Variants in RBFOX1 observed in about 807,000 individuals in gnomAD.
RBFOX1 encodes the protein RNA binding fox-1 homolog 1, also known as RNA binding protein fox-1 homolog 1.
RBFOX1 carries 8 observed loss-of-function variants against 57.7 expected under a neutral mutation model. That is an observed-to-expected ratio of 0.14 (90% CI 0.08 to 0.25). The LOEUF (loss-of-function observed/expected upper bound fraction) is 0.25. Ranked by LOEUF, RBFOX1 falls within the 10% of genes least tolerant of loss-of-function variation. The probability of loss-of-function intolerance (pLI) is 1.00; values close to 1 mark genes in which losing one functional copy is unlikely to be tolerated. For synonymous variants in RBFOX1, 326 were observed against 222.4 expected, an observed-to-expected ratio of 1.47 and a Z score of -4.15; for missense variants, 611 against 548.5, an observed-to-expected ratio of 1.11 and a Z score of -1.14.
intron 1 of RBFOX1, among the ~76,000 whole-genome samples, chr16:5,312,925 C>G (rs962101937): frequency 3.3e-5 from 5 of 152,198 alleles, no homozygotes; most frequent in African/African-American, 9.7e-5. Flanking sequence ...CATGGTGCCT[C>G]TGTTTGGCTT....
chr16:7,413,538 C>T (rs901364715), intron 4 of RBFOX1, among the ~76,000 whole-genome samples: 1 of 152,100 alleles, frequency 6.6e-6, no homozygotes, highest in African/African-American at 2.4e-5. Flanking sequence ...CCCTCTGTCT[C>T]CTTGTAAGGC....
intron 3 of RBFOX1, among the ~76,000 whole-genome samples, chr16:6,985,740 A>T (rs994777291): frequency 1.1e-4 from 17 of 148,702 alleles, no homozygotes; most frequent in Admixed American, 7.4e-4. Context: ...AGGCTGAGGC[A>T]TAAGAATTGC....
intron 4 of RBFOX1, among the ~76,000 whole-genome samples, chr16:7,052,917 G>T (rs911211357): frequency 3.9e-5 from 6 of 152,142 alleles, no homozygotes; most frequent in Non-Finnish European, 7.3e-5. Context: ...TGGACAATGT[G>T]CCTTATAGCC....
intron 4 of RBFOX1, among the ~76,000 whole-genome samples, chr16:7,259,890 C>G (rs2094849167): frequency 6.6e-6 from 1 of 152,178 alleles, no homozygotes; most frequent in East Asian, 1.9e-4. Context: ...ATTGTAGGCC[C>G]TTGGTAAATA....
intron 3 of RBFOX1, among the ~76,000 whole-genome samples, chr16:5,743,229 C>T (rs1178737967): frequency 6.6e-6 from 1 of 152,154 alleles, no homozygotes; most frequent in African/African-American, 2.4e-5. Flanking sequence ...GAAGGCAGAA[C>T]ACTACTCACA....
chr16:6,226,427 A>C (rs905741941), intron 1 of RBFOX1, among the ~76,000 whole-genome samples: 2 of 151,266 alleles, frequency 1.3e-5, no homozygotes, highest in East Asian at 3.9e-4. Context: ...CAGCAATGTG[A>C]AGTAAGCCTG....
intron 2 of RBFOX1, among the ~76,000 whole-genome samples, chr16:6,590,957 G>A (rs982075337): frequency 3.9e-5 from 6 of 152,158 alleles, no homozygotes; most frequent in African/African-American, 9.7e-5. Context: ...GTCACACTGC[G>A]AGAGTCCCAG....
At chr16:6,288,926 T>A (rs528683197) in intron 1 of RBFOX1, among the ~76,000 whole-genome samples, 11 of 152,112 alleles carry the variant, frequency 7.2e-5, no homozygotes, top group Admixed American at 2.0e-4. Context: ...ATGCTTCTCA[T>A]TGAGATGCTG....
chr16:7,568,764 G>A (rs2092419517), intron 5 of RBFOX1, among the ~76,000 whole-genome samples: 1 of 151,286 alleles, frequency 6.6e-6, no homozygotes, highest in Non-Finnish European at 1.5e-5. Flanking sequence ...GCGGGCACTT[G>A]TAGTGCCAGC....
chr16:7,313,203 G>A (rs1205169362), intron 4 of RBFOX1, among the ~76,000 whole-genome samples: 4 of 152,266 alleles, frequency 2.6e-5, no homozygotes, highest in South Asian at 2.1e-4. Context: ...GCTTAAACTC[G>A]TTGACAGGTT....
intron 4 of RBFOX1, among the ~76,000 whole-genome samples, chr16:7,462,236 T>C (rs1407710502): frequency 6.6e-6 from 1 of 152,226 alleles, no homozygotes; most frequent in Non-Finnish European, 1.5e-5. Flanking sequence ...TAATGGCTGC[T>C]GTAACAAATC....
At position 6,865,156 on chromosome 16, in the gene RBFOX1, C is replaced by G. The variant is rs527476511; in HGVS notation, c.-15-186901C>G. ...TAGCTGGGATTACAGGTGCCCACCA[C>G]CACTCCTGGGTAATTTTTGTACTTT... is the stretch of plus-strand genomic sequence containing the variant. On this transcript the variant is annotated intron_variant, in intron 3 of 15. Transcript: ENST00000550418. 4.0e-5 allele frequency among the ~76,000 whole-genome samples: 6 copies of G among 151,788 alleles called. No homozygotes were observed. The East Asian group carries it at 5.9e-4, about 15-fold the overall frequency.
At position 7,457,051 on chromosome 16, in the gene RBFOX1, C is replaced by G. The variant is rs191885523; in HGVS notation, c.28-61096C>G. Among the ~76,000 whole-genome samples the G allele has an allele frequency of 1.4e-3, 219 of 152,194 alleles. 4 individuals carry two copies. Among genetic ancestry groups the G allele is most frequent in the Middle Eastern group, 3.4e-3 (1 of 294 alleles). On this transcript the variant is annotated intron_variant, in intron 4 of 15. Transcript: ENST00000550418. ...TGCAGGCACGCACCACCACGCCCGG[C>G]TAATTTTGTATTTTTAGTAGAGACG...
chr16:6,194,135 C>T (rs991602808), intron 1 of RBFOX1, among the ~76,000 whole-genome samples: 16 of 152,162 alleles, frequency 1.1e-4, no homozygotes, highest in African/African-American at 3.9e-4. Flanking sequence ...CTTCCCTCAT[C>T]CTCTCTCAGT....
Position 6,317,746 on chromosome 16 carries a change from A to C in RBFOX1, c.-64+689A>C, listed in dbSNP as rs908573907. Among the ~76,000 whole-genome samples, 33 of 152,142 alleles carry C rather than the reference A, an allele frequency of 2.2e-4. 1 individual carries two copies. Among genetic ancestry groups the C allele is most frequent in the Non-Finnish European group, 5.9e-5 (4 of 68,024 alleles). On this transcript the variant is annotated intron_variant, in intron 2 of 15. Coordinates refer to ENST00000550418, the MANE Select transcript of RBFOX1 (RefSeq NM_018723.4). ...GATATACTCTAGCATTTGGGGTAGCACCTTCACAAAGTCTCTGATGTCAGC... is the reference window on the plus strand; with the variant it reads ...GATATACTCTAGCATTTGGGGTAGCCCCTTCACAAAGTCTCTGATGTCAGC...
At chr16:5,766,220 C>A (rs1398797636) in intron 3 of RBFOX1, among the ~76,000 whole-genome samples, 1 of 152,090 alleles carries the variant, frequency 6.6e-6, no homozygotes, top group Admixed American at 6.6e-5. Flanking sequence ...CCAATCATGG[C>A]AGAAGGAGAA....
chr16:6,773,868 G>A, intron 3 of RBFOX1: 4 of 730,392 alleles, frequency 5.5e-6, no homozygotes, highest in Non-Finnish European at 6.7e-6. Context: ...TGGATGTAGG[G>A]TGCGTTTGTC....
At chr16:7,691,921 G>C (rs889470001) in intron 14 of RBFOX1, among the ~76,000 whole-genome samples, 1 of 152,154 alleles carries the variant, frequency 6.6e-6, no homozygotes, top group Non-Finnish European at 1.5e-5. Context: ...TCTGTAAATA[G>C]AGGTTATTCT....
At chr16:6,268,299 G>C (rs187282286) in intron 1 of RBFOX1, among the ~76,000 whole-genome samples, 1 of 152,196 alleles carries the variant, frequency 6.6e-6, no homozygotes, top group African/African-American at 2.4e-5. Flanking sequence ...GGAGCAGGTC[G>C]AATGGAGGAG....
Sources: gnomAD v4.1 joint callset for allele counts (sites outside exome capture counted in the v4.1 genomes callset) on GRCh38, gnomAD v4.1.1 for gene constraint, MANE v1.5 for transcripts, NCBI Gene and HGNC (gene_info 2026-07-23, HGNC 2026-07-21) for gene names.